The following NGEF variants were observed in gnomAD, a reference collection of about 807,000 sequenced individuals.
NGEF encodes neuronal guanine nucleotide exchange factor.
A neutral mutation model predicts 80.9 loss-of-function variants in NGEF; 31 were observed. The ratio of observed to expected loss-of-function variants is 0.38; its 90% CI spans 0.29 to 0.52. The LOEUF (loss-of-function observed/expected upper bound fraction) is 0.52, where lower values mean the gene tolerates loss of function less well. NGEF is among the 20% of genes least tolerant of loss of function. NGEF has a pLI of 0.84. For synonymous variants in NGEF, 371 were observed against 370.2 expected, an observed-to-expected ratio of 1.00 and a Z score of -0.03; for missense variants, 709 against 926.2, an observed-to-expected ratio of 0.77 and a Z score of 3.04.
intron 1 of NGEF, among the ~76,000 whole-genome samples, chr2:232,996,703 C>T (rs1367002373): frequency 6.6e-6 from 1 of 152,152 alleles, no homozygotes; most frequent in African/African-American, 2.4e-5. Flanking sequence ...CCATATTGGC[C>T]AGGCTGGGCT....
intron 1 of NGEF, among the ~76,000 whole-genome samples, chr2:233,006,018 T>C (rs999788097): frequency 7.2e-5 from 11 of 152,278 alleles, no homozygotes; most frequent in African/African-American, 2.4e-4. Context: ...GGTTTTGTAG[T>C]GTTTGTCAAG....
Position 232,995,193 on chromosome 2 carries a change from TACA to T in NGEF, c.-75+17872_-75+17874del, listed in dbSNP as rs771800197. On this transcript the variant is annotated intron_variant, in intron 1 of 14. Transcript: ENST00000264051. ...ATATGTGTACAGTATGTATGCTGTGTACAGTATGTATACTGTATATGTGTACAG... is the reference window on the plus strand; with the variant it reads ...ATATGTGTACAGTATGTATGCTGTGTGTATGTATACTGTATATGTGTACAG... Among the ~76,000 whole-genome samples, 66 of 73,642 alleles carry T rather than the reference TACA, an allele frequency of 9.0e-4. 27 individuals are homozygous for T. Among genetic ancestry groups the T allele is most frequent in the Non-Finnish European group, 1.4e-3 (55 of 40,400 alleles). The allele number at this position is 73,642 out of a possible 152,430, so 48.3% of individuals were successfully genotyped here. A position where few individuals can be genotyped will look rare whatever the true frequency, so the allele number is the denominator to read the frequency against.
At chr2:232,987,826 A>G (rs1694563864) in intron 1 of NGEF, among the ~76,000 whole-genome samples, 1 of 152,034 alleles carries the variant, frequency 6.6e-6, no homozygotes, top group East Asian at 1.9e-4. Flanking sequence ...TTTGTTCTCC[A>G]TGGCCTTTGG....
intron 3 of NGEF, among the ~76,000 whole-genome samples, chr2:232,944,328 A>G (rs377668170): frequency 9.2e-5 from 14 of 152,338 alleles, no homozygotes; most frequent in African/African-American, 3.4e-4. Context: ...TGCCCTGCAG[A>G]CACACACTCT....
chr2:232,897,345 C>A (rs796613160), intron 5 of NGEF, among the ~76,000 whole-genome samples: 20 of 152,130 alleles, frequency 1.3e-4, no homozygotes, highest in African/African-American at 4.8e-4. Context: ...TTCACTTAAT[C>A]CTCCCAGGTC....
intron 3 of NGEF, among the ~76,000 whole-genome samples, chr2:232,943,634 T>C (rs1014320578): frequency 1.4e-4 from 21 of 151,394 alleles, no homozygotes; most frequent in Middle Eastern, 3.4e-3. Flanking sequence ...TAGCTGGGAC[T>C]ACAGGCGCCC....
chr2:232,936,189 A>T (rs1693320082), intron 3 of NGEF, among the ~76,000 whole-genome samples: 1 of 152,222 alleles, frequency 6.6e-6, no homozygotes, highest in Non-Finnish European at 1.5e-5. Context: ...GACTTTCCAA[A>T]AATAAATTGT....
chr2:232,884,855 G>C (rs2675953), intron 10 of NGEF: 48,516 of 162,554 alleles, frequency 0.3, 7,520 homozygotes, highest in East Asian at 0.35. Context: ...CGGGCCCAGG[G>C]GACCTGAGGG....
chr2:232,886,489 C>T (rs552691555), intron 9 of NGEF, among the ~76,000 whole-genome samples: 27 of 152,340 alleles, frequency 1.8e-4, no homozygotes, highest in Non-Finnish European at 3.4e-4. Flanking sequence ...TTAGGGCGAG[C>T]TGCAGCCTGT....
chr2:233,009,159 C>T (rs77740921), intron 1 of NGEF, among the ~76,000 whole-genome samples: 10,119 of 152,172 alleles, frequency 0.066, 396 homozygotes, highest in African/African-American at 0.11. Flanking sequence ...TTTTTCACTC[C>T]TTCATCCCTG....
chr2:232,922,132 A>G (rs1464808322), intron 4 of NGEF, among the ~76,000 whole-genome samples: 2 of 152,350 alleles, frequency 1.3e-5, no homozygotes, highest in African/African-American at 4.8e-5. Context: ...TGATTCCCAG[A>G]AAGTTGCAAT....
chr2:232,967,986 A>T (rs1288848810), intron 3 of NGEF, among the ~76,000 whole-genome samples: 2 of 152,110 alleles, frequency 1.3e-5, no homozygotes, highest in Non-Finnish European at 2.9e-5. Context: ...AAACAGCAAA[A>T]ATTTGAAACT....
chr2:232,879,435 C>CCCCCCT lies in NGEF; in HGVS notation c.*53_*54insAGGGGG. 6.9e-7 allele frequency: 1 copy of CCCCCCT among 1,443,846 alleles called. No individual in the cohort carries two copies. Among genetic ancestry groups the CCCCCCT allele is most frequent in the South Asian group, 1.3e-5 (1 of 76,132 alleles). The allele number at this position is 1,443,846 out of a possible 1,614,324, so 89.4% of individuals were successfully genotyped here. A position where few individuals can be genotyped will look rare whatever the true frequency, so the allele number is the denominator to read the frequency against. The stretch of plus-strand genomic sequence containing the variant: ...GCTTCCCAGAGCCCCCCCCCCCCCA[C>CCCCCCT]CTTCTGTCGGGGTCTCATGCAGGCC... On this transcript the variant is annotated 3_prime_UTR_variant, in exon 15 of 15. Coordinates refer to ENST00000264051, the MANE Select transcript of NGEF (RefSeq NM_019850.3).
intron 1 of NGEF, among the ~76,000 whole-genome samples, chr2:233,003,926 C>A (rs891946610): frequency 2.0e-5 from 3 of 152,122 alleles, no homozygotes; most frequent in Admixed American, 6.5e-5. Context: ...GTTGTGTGGC[C>A]CCTGAATTGC....
At chr2:232,984,947 G>A (rs79780344) in intron 1 of NGEF, among the ~76,000 whole-genome samples, 2 of 152,140 alleles carry the variant, frequency 1.3e-5, no homozygotes, top group South Asian at 2.1e-4. Context: ...TGAACGAAAA[G>A]CAGGCAAATT....
intron 2 of NGEF, among the ~76,000 whole-genome samples, chr2:232,971,821 G>T (rs988895160): frequency 1.1e-4 from 17 of 152,134 alleles, no homozygotes; most frequent in African/African-American, 4.1e-4. Flanking sequence ...TCACAAACTC[G>T]AGGCTCTTTC....
At chr2:232,917,057 C>G (rs1692819169) in intron 5 of NGEF, among the ~76,000 whole-genome samples, 1 of 152,180 alleles carries the variant, frequency 6.6e-6, no homozygotes, top group Non-Finnish European at 1.5e-5. Context: ...CTTATTCAAG[C>G]CAGTGGTACC....
chr2:232,926,924 C>T, intron 4 of NGEF, 120 bp downstream of exon 4: 1 of 1,300,198 alleles, frequency 7.7e-7, no homozygotes, highest in Admixed American at 2.0e-5. Context: ...CTTTCCTTAC[C>T]CATGTCAGAC....
intron 1 of NGEF, among the ~76,000 whole-genome samples, chr2:232,999,571 T>C (rs1313308629): frequency 6.6e-6 from 1 of 152,194 alleles, no homozygotes; most frequent in Non-Finnish European, 1.5e-5. Context: ...TTCCCTGCCA[T>C]CAGACAGGGC....
Sources: gnomAD v4.1 joint callset for allele counts (sites outside exome capture counted in the v4.1 genomes callset) on GRCh38, gnomAD v4.1.1 for gene constraint, MANE v1.5 for transcripts, NCBI Gene and HGNC (gene_info 2026-07-23, HGNC 2026-07-21) for gene names.